The following BMP8B variants were observed in gnomAD, a reference collection of about 807,000 sequenced individuals.
The protein encoded by BMP8B is bone morphogenetic protein 8 (osteogenic protein 2).
A neutral mutation model predicts 30.3 loss-of-function variants in BMP8B; 17 were observed. That is an observed-to-expected ratio of 0.56 (90% CI 0.38 to 0.84). The LOEUF is 0.84. BMP8B is among the 40% of genes least tolerant of loss of function. BMP8B has a pLI of 0.00. For missense variants in BMP8B, 253 were observed against 494.6 expected, an observed-to-expected ratio of 0.51 and a Z score of 4.63; for synonymous variants, 131 against 214.7, an observed-to-expected ratio of 0.61 and a Z score of 3.41.
At position 39,788,265 on chromosome 1, in the gene BMP8B, G is replaced by C; in HGVS notation, c.221C>G (p.Pro74Arg). 1 of 1,413,684 alleles carries C rather than the reference G, an allele frequency of 7.1e-7. No individual in the cohort carries two copies. Among genetic ancestry groups the C allele is most frequent in the Non-Finnish European group, 9.2e-7 (1 of 1,091,076 alleles). The allele number at this position is 1,413,684 out of a possible 1,614,324, so 87.6% of individuals were successfully genotyped here. The change falls in exon 1 of 7, where the codon CCG becomes CGG. Residue 74 changes from proline to arginine, a missense_variant. Around this residue, in one of 7 missense-constraint regions of BMP8B, gnomAD observed 52 missense variants for 68.3 expected, o/e 0.76. Coordinates refer to ENST00000372827, the MANE Select transcript of BMP8B (RefSeq NM_001720.5). The surrounding 1 kb of genome is among the most constrained non-coding windows in gnomAD (Gnocchi z 5.8). ...PAASRLPASAPLFMLDLYHAM... is the reference protein window; with the variant it reads ...PAASRLPASARLFMLDLYHAM... ...GTGGTACAGGTCCAGCATGAAGAGC[G>C]GCGCGGACGCGGGCAGCCGGGAGGC...
Position 39,784,974 on chromosome 1 carries a change from G to A in BMP8B, c.334+3178C>T, listed in dbSNP as rs981842235. On this transcript the variant is annotated intron_variant, in intron 1 of 6. Coordinates refer to ENST00000372827, the MANE Select transcript of BMP8B (RefSeq NM_001720.5). The stretch of plus-strand genomic sequence containing the variant: ...GAACATGGGCACCTGCCTCTCTGCT[G>A]AGATGGGTGGAGAAGGATTCAGAAG... 3.8e-5 allele frequency among the ~76,000 whole-genome samples: 4 copies of A among 104,438 alleles called. 1 individual carries two copies. Among genetic ancestry groups the A allele is most frequent in the African/African-American group, 1.2e-4 (4 of 32,570 alleles). 68.5% of individuals were successfully genotyped at this position (104,438 alleles called of 152,430 possible).
At chr1:39,775,173 G>A (rs1214767025) in intron 1 of BMP8B, 135 bp from the exon 2 acceptor site, 89 of 1,337,828 alleles carry the variant, frequency 6.7e-5, no homozygotes, top group Middle Eastern at 2.6e-4. Context: ...GGGTGGGGCC[G>A]GCTTCATTTA....
Position 39,769,811 on chromosome 1 carries a change from G to A in BMP8B, c.673+4497C>T, listed in dbSNP as rs377118062. ...CAGGCCCTCCCAGAGCTCCCTCAGC[G>A]TCAGCTCTTTCTTCCTGTGCACGTC... On this transcript the variant is annotated intron_variant, in intron 3 of 6. Coordinates refer to ENST00000372827, the MANE Select transcript of BMP8B (RefSeq NM_001720.5). 7 of 1,613,576 alleles carry A rather than the reference G, an allele frequency of 4.3e-6. No individual in the cohort carries two copies. The highest frequency in any genetic ancestry group is 4.0e-5 in the African/African-American group (3 of 74,866).
At chr1:39,781,626 G>A (rs1650644168) in intron 1 of BMP8B, among the ~76,000 whole-genome samples, 1 of 152,210 alleles carries the variant, frequency 6.6e-6, no homozygotes, top group South Asian at 2.1e-4. Flanking sequence ...GGGAAAACTG[G>A]AAAGTTTACT....
At position 39,788,663 on chromosome 1, in the gene BMP8B, C is replaced by A. The variant is rs1296047823; in HGVS notation, c.-178G>T. ...AGCGCGGTCCCTGGAGCGCCCGCCG[C>A]GCGACACCTGTCCTGGCTCCTGGAC... On this transcript the variant is annotated 5_prime_UTR_variant, in exon 1 of 7. Coordinates refer to ENST00000372827, the MANE Select transcript of BMP8B (RefSeq NM_001720.5). This position sits in a 1 kb window ranked among gnomAD's most constrained non-coding sequence, Gnocchi z 5.8. The A allele has an allele frequency of 2.2e-6, 1 of 445,506 alleles. No homozygotes were observed. The highest frequency in any genetic ancestry group is 3.0e-6 in the Non-Finnish European group (1 of 337,052). 27.6% of individuals were successfully genotyped at this position (445,506 alleles called of 1,614,324 possible).
At chr1:39,779,325 C>G (rs1003426753) in intron 1 of BMP8B, among the ~76,000 whole-genome samples, 1 of 152,100 alleles carries the variant, frequency 6.6e-6, no homozygotes, top group Admixed American at 6.5e-5. Context: ...CTCCTCCCTG[C>G]TCTTGGCACT....
rs1225785183 is a variant in BMP8B at position 39,758,140 on chromosome 1, CTG to C, written c.*2277_*2278del. On this transcript the variant is annotated 3_prime_UTR_variant, in exon 7 of 7. Transcript: ENST00000372827. ...AGTAAAAAATTAATTGTCAAAATAACTGGCTAATTTAAAATTTACAATTGCCT... is the reference window on the plus strand; with the variant it reads ...AGTAAAAAATTAATTGTCAAAATAACGCTAATTTAAAATTTACAATTGCCT... 3 of 152,216 alleles carry C rather than the reference CTG, an allele frequency of 2.0e-5. No individual in the cohort carries two copies. The highest frequency in any genetic ancestry group is 4.4e-5 in the Non-Finnish European group (3 of 68,048). 9.4% of individuals were successfully genotyped at this position (152,216 alleles called of 1,614,324 possible).
At chr1:39,774,750 GCTCT>G (rs1650103396) in intron 2 of BMP8B, 95 bp downstream of exon 2, 1 of 400,528 alleles carries the variant, frequency 2.5e-6, no homozygotes, top group East Asian at 4.0e-5. Context: ...CATCTTTGAG[GCTCT>G]CTTTCAGCCC....
chr1:39,785,524 C>A (rs867580098), intron 1 of BMP8B, among the ~76,000 whole-genome samples: 5 of 152,234 alleles, frequency 3.3e-5, no homozygotes, highest in Non-Finnish European at 7.3e-5. Flanking sequence ...GAGCCCCGCC[C>A]CCTGGGTCCC....
At position 39,760,186 on chromosome 1, in the gene BMP8B, C is replaced by G. The variant is rs1049144867; in HGVS notation, c.*233G>C. ...GAGGCGTTTGCATTTGGGTAGAACA[C>G]TGCCTGATGATTGAGACCACCTGGG... On this transcript the variant is annotated 3_prime_UTR_variant, in exon 7 of 7. Transcript: ENST00000372827. The G allele has an allele frequency of 9.8e-6, 7 of 710,814 alleles. No homozygotes were observed. In the African/African-American group the frequency reaches 1.1e-4, roughly 11 times the overall value. 44.0% of individuals were successfully genotyped at this position (710,814 alleles called of 1,614,324 possible). A position where few individuals can be genotyped will look rare whatever the true frequency, so the allele number is the denominator to read the frequency against.
chr1:39,768,696 A>T (rs1649756449), intron 3 of BMP8B, among the ~76,000 whole-genome samples: 1 of 148,188 alleles, frequency 6.7e-6, no homozygotes, highest in African/African-American at 2.5e-5. Context: ...TACTGTTAAA[A>T]ATATATATAC....
chr1:39,787,085 G>T (rs535904019), intron 1 of BMP8B, among the ~76,000 whole-genome samples: 1 of 152,244 alleles, frequency 6.6e-6, no homozygotes. Context: ...GCTCAGCAGC[G>T]TAGAGGCTGC....
In BMP8B at chr1:39,769,026, A is replaced by T. The variant is rs1228661958; in HGVS notation, c.674-4209T>A. 4.8e-5 allele frequency among the ~76,000 whole-genome samples: 7 copies of T among 147,136 alleles called. 1 individual carries two copies. The highest frequency in any genetic ancestry group is 9.0e-5 in the Non-Finnish European group (6 of 67,020). The stretch of plus-strand genomic sequence containing the variant: ...AAACTCCATTTCTATAAATAAATTT[A>T]AAAAATAAAAAAAAATAAGCAGGCA... On this transcript the variant is annotated intron_variant, in intron 3 of 6. Coordinates refer to ENST00000372827, the MANE Select transcript of BMP8B (RefSeq NM_001720.5).
Position 39,788,664 on chromosome 1 carries a change from G to T in BMP8B, c.-179C>A. The T allele has an allele frequency of 2.3e-6, 1 of 437,458 alleles. No individual in the cohort carries two copies. The allele number at this position is 437,458 out of a possible 1,614,324, so 27.1% of individuals were successfully genotyped here. A position where few individuals can be genotyped will look rare whatever the true frequency, so the allele number is the denominator to read the frequency against. ...GCGCGGTCCCTGGAGCGCCCGCCGCGCGACACCTGTCCTGGCTCCTGGACG... is the reference window on the plus strand; with the variant it reads ...GCGCGGTCCCTGGAGCGCCCGCCGCTCGACACCTGTCCTGGCTCCTGGACG... On this transcript the variant is annotated 5_prime_UTR_variant, in exon 1 of 7. Coordinates refer to ENST00000372827, the MANE Select transcript of BMP8B (RefSeq NM_001720.5). The surrounding 1 kb of genome is among the most constrained non-coding windows in gnomAD (Gnocchi z 5.8).
chr1:39,776,051 C>T (rs2300742), intron 1 of BMP8B, among the ~76,000 whole-genome samples: 3,588 of 151,902 alleles, frequency 0.024, 3 homozygotes, highest in East Asian at 0.11. Context: ...GTGCGAATCC[C>T]GGGCCAGGAG....
chr1:39,769,039 A>C (rs1649772004), intron 3 of BMP8B, among the ~76,000 whole-genome samples: 1 of 147,686 alleles, frequency 6.8e-6, no homozygotes, highest in Admixed American at 6.7e-5. Context: ...AAATAAAAAA[A>C]AATAAGCAGG....
intron 1 of BMP8B, among the ~76,000 whole-genome samples, chr1:39,786,669 T>C (rs913726766): frequency 6.6e-6 from 1 of 152,134 alleles, no homozygotes; most frequent in Non-Finnish European, 1.5e-5. Context: ...GAGCCCAGTG[T>C]CAGCCTGTCC....
chr1:39,761,747 CCTT>C (rs763345309), intron 6 of BMP8B, among the ~76,000 whole-genome samples: 14 of 152,318 alleles, frequency 9.2e-5, no homozygotes, highest in Non-Finnish European at 1.9e-4. Flanking sequence ...CTGGCCCCCT[CCTT>C]CTGTGGAGAG....
intron 1 of BMP8B, among the ~76,000 whole-genome samples, chr1:39,782,017 G>A (rs773259165): frequency 1.1e-4 from 16 of 152,056 alleles, no homozygotes; most frequent in Non-Finnish European, 2.2e-4. Context: ...TTAGCCGTGC[G>A]TGGTGGCGGG....
Sources: gnomAD v4.1 joint callset for allele counts (sites outside exome capture counted in the v4.1 genomes callset) on GRCh38, gnomAD v4.1.1 for gene constraint, gnomAD v4.1.1 regional missense constraint, Gnocchi (gnomAD v3.1) non-coding constraint, MANE v1.5 for transcripts, NCBI Gene and HGNC (gene_info 2026-07-23, HGNC 2026-07-21) for gene names.